Variants in MERTK observed in about 807,000 individuals in gnomAD.
The protein encoded by MERTK is tyrosine-protein kinase Mer.
A neutral mutation model predicts 99.3 loss-of-function variants in MERTK; 69 were observed. The ratio of observed to expected loss-of-function variants is 0.70; its 90% CI spans 0.57 to 0.85. The LOEUF (loss-of-function observed/expected upper bound fraction) is 0.85, where lower values mean the gene tolerates loss of function less well. Ranked by LOEUF, MERTK falls within the 40% of genes least tolerant of loss-of-function variation. The probability of loss-of-function intolerance (pLI) is 0.00; values close to 1 mark genes in which losing one functional copy is unlikely to be tolerated. For missense variants in MERTK, 1,125 were observed against 1,249.4 expected, an observed-to-expected ratio of 0.90 and a Z score of 1.50; for synonymous variants, 426 against 467.6, an observed-to-expected ratio of 0.91 and a Z score of 1.15.
chr2:111,926,687 A>C (rs1044007082), intron 1 of MERTK, among the ~76,000 whole-genome samples: 10 of 152,210 alleles, frequency 6.6e-5, no homozygotes, highest in African/African-American at 2.4e-4. Flanking sequence ...AGATTGCGCC[A>C]CTGCACTCCA....
chr2:112,002,778 A>G (rs897642724), intron 11 of MERTK, among the ~76,000 whole-genome samples: 12 of 152,172 alleles, frequency 7.9e-5, no homozygotes, highest in African/African-American at 2.7e-4. Context: ...GTTCGAGACC[A>G]GCCTGGCCCA....
intron 2 of MERTK, among the ~76,000 whole-genome samples, chr2:111,942,054 G>A (rs1684875054): frequency 1.3e-5 from 2 of 151,738 alleles, no homozygotes; most frequent in African/African-American, 4.9e-5. Context: ...CCCTCAGGCT[G>A]CCTTCCTGGG....
At chr2:112,023,186 G>A (rs938511582) in intron 18 of MERTK, among the ~76,000 whole-genome samples, 2 of 152,070 alleles carry the variant, frequency 1.3e-5, no homozygotes, top group East Asian at 1.9e-4. Flanking sequence ...AGGCCGACGC[G>A]GGTGGATCAC....
chr2:111,910,220 G>A (rs1374616732), intron 1 of MERTK, among the ~76,000 whole-genome samples: 1 of 151,756 alleles, frequency 6.6e-6, no homozygotes, highest in African/African-American at 2.4e-5. Context: ...AGCTATGATT[G>A]CCTTACTGCA....
chr2:111,915,589 C>T (rs1573567254), intron 1 of MERTK, among the ~76,000 whole-genome samples: 2 of 152,028 alleles, frequency 1.3e-5, no homozygotes, highest in Admixed American at 6.5e-5. Flanking sequence ...TTTCTTGACA[C>T]TTCTTTGACC....
intron 2 of MERTK, among the ~76,000 whole-genome samples, chr2:111,937,634 C>T (rs995816141): frequency 6.6e-5 from 10 of 151,810 alleles, no homozygotes; most frequent in African/African-American, 1.5e-4. Flanking sequence ...TGCCTGTTGC[C>T]GGTTCTTTAT....
chr2:111,932,758 T>C (rs748791409), intron 2 of MERTK, among the ~76,000 whole-genome samples: 1 of 152,152 alleles, frequency 6.6e-6, no homozygotes, highest in Non-Finnish European at 1.5e-5. Flanking sequence ...GAGTATATAT[T>C]AGTTTCAGGG....
chr2:111,961,753 T>C (rs893930023), intron 4 of MERTK, among the ~76,000 whole-genome samples: 1 of 152,194 alleles, frequency 6.6e-6, no homozygotes, highest in African/African-American at 2.4e-5. Flanking sequence ...ATTTTCTTTT[T>C]TATGCACATT....
At chr2:112,001,080 A>G in intron 10 of MERTK, 121 bp from the exon 11 acceptor site, 1 of 761,548 alleles carries the variant, frequency 1.3e-6, no homozygotes, top group Non-Finnish European at 2.3e-6. Context: ...TTCTAGGGGG[A>G]AAGCTTTTGT....
intron 1 of MERTK, among the ~76,000 whole-genome samples, chr2:111,911,474 C>T (rs1387695192): frequency 1.3e-5 from 2 of 151,460 alleles, no homozygotes; most frequent in African/African-American, 4.9e-5. Flanking sequence ...CTGCAACCTC[C>T]GCCTCCTGGG....
Position 111,975,393 on chromosome 2 carries a change from C to T in MERTK, c.1065C>T (p.Tyr355=), listed in dbSNP as rs752126753. The change falls in exon 7 of 19, where the codon TAC becomes TAT. Residue 355 remains tyrosine, a synonymous_variant. Coordinates refer to ENST00000295408, the MANE Select transcript of MERTK (RefSeq NM_006343.3). ...AGCAGCTGCAAGCCCTGGCTAATTA[C>T]AGCATTGGTGTTTCCTGCATGAATG... The part of the protein sequence containing the change: ...QIKQLQALAN[Y]SIGVSCMNEI... 17 of 1,614,090 alleles carry T rather than the reference C, an allele frequency of 1.1e-5. No individual in the cohort carries two copies. Among genetic ancestry groups the T allele is most frequent in the East Asian group, 2.2e-5 (1 of 44,900 alleles).
intron 1 of MERTK, among the ~76,000 whole-genome samples, chr2:111,911,187 C>T (rs959108083): frequency 3.3e-5 from 5 of 152,016 alleles, no homozygotes; most frequent in East Asian, 1.9e-4. Context: ...CTGAGCAGGA[C>T]GCTAGCAGCA....
At chr2:111,917,815 G>T (rs4290663) in intron 1 of MERTK, among the ~76,000 whole-genome samples, 1 of 151,108 alleles carries the variant, frequency 6.6e-6, no homozygotes, top group Admixed American at 6.6e-5. Context: ...AACCTGGGAG[G>T]TGGAGGTTGC....
chr2:111,947,073 G>T (rs537239581), intron 3 of MERTK, among the ~76,000 whole-genome samples: 37 of 152,184 alleles, frequency 2.4e-4, no homozygotes, highest in Non-Finnish European at 4.3e-4. Context: ...AGGAGTTCGA[G>T]GCCAGCCTGG....
intron 2 of MERTK, among the ~76,000 whole-genome samples, chr2:111,942,713 G>A (rs1203858958): frequency 1.3e-5 from 2 of 152,112 alleles, no homozygotes; most frequent in African/African-American, 4.8e-5. Flanking sequence ...AAAAGAACGA[G>A]GGGAAAGGGG....
intron 15 of MERTK, among the ~76,000 whole-genome samples, chr2:112,017,994 G>C (rs1276038152): frequency 6.6e-6 from 1 of 152,150 alleles, no homozygotes; most frequent in Non-Finnish European, 1.5e-5. Context: ...TTGGCTAGGT[G>C]GGTGCTTGAG....
chr2:111,929,682 G>A (rs1042769916), intron 2 of MERTK, 142 bp downstream of exon 2: 9 of 572,312 alleles, frequency 1.6e-5, no homozygotes, highest in Non-Finnish European at 2.4e-5. Context: ...CACCTCCTGA[G>A]TTCAAACGAT....
intron 15 of MERTK, among the ~76,000 whole-genome samples, chr2:112,011,805 G>A (rs2104414648): frequency 6.6e-6 from 1 of 152,340 alleles, no homozygotes; most frequent in Middle Eastern, 3.4e-3. Context: ...CTGTGAACAA[G>A]TGCTGACTCT....
At chr2:112,022,553 G>A in intron 18 of MERTK, 159 bp downstream of exon 18, 1 of 1,091,760 alleles carries the variant, frequency 9.2e-7, no homozygotes, top group Admixed American at 1.7e-5. Flanking sequence ...CAGCCCAGGA[G>A]CCATTCCTGA....
Sources: gnomAD v4.1 joint callset for allele counts (sites outside exome capture counted in the v4.1 genomes callset) on GRCh38, gnomAD v4.1.1 for gene constraint, MANE v1.5 for transcripts, NCBI Gene and HGNC (gene_info 2026-07-23, HGNC 2026-07-21) for gene names.